Variants in FRMD4B observed in about 807,000 individuals in gnomAD.
FRMD4B encodes FERM domain-containing protein 4B.
A neutral mutation model predicts 141.5 loss-of-function variants in FRMD4B; 74 were observed. That is an observed-to-expected ratio of 0.52 (90% CI 0.43 to 0.63). FRMD4B has a LOEUF of 0.63. FRMD4B is among the 30% of genes least tolerant of loss of function. The probability of loss-of-function intolerance (pLI) is 0.00; values close to 1 mark genes in which losing one functional copy is unlikely to be tolerated. For missense variants in FRMD4B, 1,366 were observed against 1,253.4 expected (o/e 1.09, Z -1.36); for synonymous variants, 506 against 467.9 (o/e 1.08, Z -1.05).
chr3:69,325,391 T>C (rs1437324574), intron 1 of FRMD4B, among the ~76,000 whole-genome samples: 1 of 152,078 alleles, frequency 6.6e-6, no homozygotes, highest in African/African-American at 2.4e-5. Context: ...TAAATGACAA[T>C]CCCTTATCAG....
At chr3:69,333,765 T>G (rs1034314708) in intron 1 of FRMD4B, among the ~76,000 whole-genome samples, 18 of 152,212 alleles carry the variant, frequency 1.2e-4, no homozygotes, top group South Asian at 2.1e-4. Flanking sequence ...TCTTGTTTGC[T>G]TTCCAGTGAA....
At chr3:69,225,411 T>G (rs146572314) in intron 7 of FRMD4B, among the ~76,000 whole-genome samples, 2 of 150,986 alleles carry the variant, frequency 1.3e-5, no homozygotes, top group Non-Finnish European at 2.9e-5. Flanking sequence ...CACAGTGGCT[T>G]ACGCCTGTAA....
chr3:69,389,608 T>A (rs996062500), upstream of FRMD4B, among the ~76,000 whole-genome samples: 1 of 152,184 alleles, frequency 6.6e-6, no homozygotes, highest in Non-Finnish European at 1.5e-5. Flanking sequence ...CACTGATGCT[T>A]TTTTTCTTAT....
At chr3:69,477,779 G>T (rs1239611765) in intron 1 of FRMD4B, among the ~76,000 whole-genome samples, 1 of 149,336 alleles carries the variant, frequency 6.7e-6, no homozygotes, top group Non-Finnish European at 1.5e-5. Context: ...AGAAGGAATG[G>T]TACCAGTTCC....
chr3:69,452,479 C>A (rs1161894968), intron 1 of FRMD4B, among the ~76,000 whole-genome samples: 1 of 152,242 alleles, frequency 6.6e-6, no homozygotes, highest in Non-Finnish European at 1.5e-5. Flanking sequence ...CTAATAATTT[C>A]TACCCTGTCA....
At chr3:69,365,712 C>T (rs1703623437) in intron 1 of FRMD4B, among the ~76,000 whole-genome samples, 1 of 151,958 alleles carries the variant, frequency 6.6e-6, no homozygotes, top group Non-Finnish European at 1.5e-5. Context: ...TGGCCAGGCT[C>T]ATCTTGAACT....
chr3:69,212,476 T>TA (rs1281651423), intron 11 of FRMD4B, among the ~76,000 whole-genome samples: 4 of 134,374 alleles, frequency 3.0e-5, no homozygotes, highest in Admixed American at 7.6e-5. Context: ...GGAACTGAAA[T>TA]AAAAAAACCC....
At chr3:69,315,863 T>G (rs1454401636) in intron 1 of FRMD4B, among the ~76,000 whole-genome samples, 4 of 152,236 alleles carry the variant, frequency 2.6e-5, no homozygotes, top group Non-Finnish European at 5.9e-5. Flanking sequence ...TGTACAAAAC[T>G]ATAAGTTTTA....
At chr3:69,362,451 A>G (rs1195277070) in intron 1 of FRMD4B, among the ~76,000 whole-genome samples, 11 of 152,184 alleles carry the variant, frequency 7.2e-5, no homozygotes, top group Admixed American at 7.2e-4. Flanking sequence ...TCTGGTTAAG[A>G]CAACTATCAC....
intron 9 of FRMD4B, among the ~76,000 whole-genome samples, chr3:69,220,099 A>C (rs943163683): frequency 6.6e-6 from 1 of 152,212 alleles, no homozygotes; most frequent in Non-Finnish European, 1.5e-5. Context: ...TTAACAATGA[A>C]GATACATTCT....
Position 69,533,677 on chromosome 3 carries a change from A to T in FRMD4B, c.-129+8529T>A, listed in dbSNP as rs574395545. On this transcript the variant is annotated intron_variant, in intron 1 of 5. Coordinates refer to the FRMD4B transcript ENST00000459638. The stretch of plus-strand genomic sequence containing the variant: ...TTGGCCTTTTTTGAGTCTTTCCTGC[A>T]ACTTCTGTCCTTCCTCCTACTTATC... Among the ~76,000 whole-genome samples, 72 of 152,180 alleles carry T rather than the reference A, an allele frequency of 4.7e-4. 1 individual carries two copies. Among genetic ancestry groups the T allele is most frequent in the African/African-American group, 1.5e-3 (63 of 41,494 alleles).
chr3:69,186,296 G>A (rs2092766997), intron 19 of FRMD4B, among the ~76,000 whole-genome samples: 1 of 146,778 alleles, frequency 6.8e-6, no homozygotes, highest in Non-Finnish European at 1.5e-5. Context: ...CCCAGGCTGG[G>A]GTGGAGTGAC....
intron 1 of FRMD4B, among the ~76,000 whole-genome samples, chr3:69,337,617 AC>A (rs1359595368): frequency 6.6e-6 from 1 of 152,218 alleles, no homozygotes; most frequent in Non-Finnish European, 1.5e-5. Flanking sequence ...CAAGAAAAAA[AC>A]AAACAACCCC....
Position 69,519,794 on chromosome 3 carries a change from C to T in FRMD4B, c.-129+22412G>A, listed in dbSNP as rs1480365203. On this transcript the variant is annotated intron_variant, in intron 1 of 5. Transcript: ENST00000459638. Reference sequence around the variant, plus strand: ...GTAGTCTTTTATCCCTCACCCCCTCCCATCTTTTCCCGAGTCCCCAAAGTC... The same window carrying T: ...GTAGTCTTTTATCCCTCACCCCCTCTCATCTTTTCCCGAGTCCCCAAAGTC... 4.6e-5 allele frequency among the ~76,000 whole-genome samples: 7 copies of T among 151,876 alleles called. No homozygotes were observed. The East Asian group carries it at 1.4e-3, about 30-fold the overall frequency.
At chr3:69,206,771 G>A (rs1040163543) in intron 11 of FRMD4B, among the ~76,000 whole-genome samples, 1 of 152,114 alleles carries the variant, frequency 6.6e-6, no homozygotes, top group Non-Finnish European at 1.5e-5. Flanking sequence ...CTTGATGGCA[G>A]GGATTGTGGC....
At chr3:69,509,113 G>T (rs892849521) in intron 1 of FRMD4B, among the ~76,000 whole-genome samples, 1 of 152,140 alleles carries the variant, frequency 6.6e-6, no homozygotes, top group African/African-American at 2.4e-5. Context: ...TGCAGCAGTG[G>T]GGTTTGTTCT....
chr3:69,176,315 CA>C (rs1575579544), intron 22 of FRMD4B, among the ~76,000 whole-genome samples: 2 of 152,132 alleles, frequency 1.3e-5, no homozygotes, highest in East Asian at 3.8e-4. Flanking sequence ...CCTCATAGTG[CA>C]AAAACAGCCA....
intron 1 of FRMD4B, among the ~76,000 whole-genome samples, chr3:69,371,549 C>T (rs1012421525): frequency 6.6e-6 from 1 of 152,054 alleles, no homozygotes; most frequent in Non-Finnish European, 1.5e-5. Flanking sequence ...ACTGCAGGGG[C>T]GGTTGGCATT....
chr3:69,317,042 T>C (rs1474940395), intron 1 of FRMD4B, among the ~76,000 whole-genome samples: 1 of 151,904 alleles, frequency 6.6e-6, no homozygotes, highest in Non-Finnish European at 1.5e-5. Flanking sequence ...ATTGCATAAC[T>C]GCACTCCAGC....
Sources: allele counts gnomAD v4.1 joint callset (sites outside exome capture counted in the v4.1 genomes callset), GRCh38; gene constraint gnomAD v4.1.1; transcripts MANE v1.5; gene names NCBI Gene and HGNC (gene_info 2026-07-23, HGNC 2026-07-21).